Variants in GRM6 observed in about 807,000 individuals in gnomAD.
GRM6 encodes the protein metabotropic glutamate receptor 6.
A neutral mutation model predicts 78.4 loss-of-function variants in GRM6; 73 were observed. The ratio of observed to expected loss-of-function variants is 0.93; its 90% CI spans 0.77 to 1.13. The LOEUF (loss-of-function observed/expected upper bound fraction) is 1.13, where lower values mean the gene tolerates loss of function less well. GRM6 is among the 50% of genes most tolerant of loss of function. The pLI, the probability that GRM6 is intolerant of heterozygous loss-of-function variation, is 0.00. For missense variants in GRM6, 1,251 were observed against 1,256.4 expected (o/e 1.00, Z 0.07); for synonymous variants, 580 against 555.0 (o/e 1.05, Z -0.63).
intron 9 of GRM6, chr5:178,985,253 G>C (rs1350575807): frequency 1.1e-5 from 5 of 456,378 alleles, no homozygotes; most frequent in African/African-American, 1.0e-4. Context: ...TTTTGGTTTA[G>C]AAAATAACTT....
Position 178,978,852 on chromosome 5 carries a change from T to C in GRM6, c.*2805A>G, listed in dbSNP as rs1760335779. 1 of 152,112 alleles carries C rather than the reference T, an allele frequency of 6.6e-6. No homozygotes were observed. Among genetic ancestry groups the C allele is most frequent in the Admixed American group, 6.6e-5 (1 of 15,260 alleles). The allele number at this position is 152,112 out of a possible 1,614,324, so 9.4% of individuals were successfully genotyped here. On this transcript the variant is annotated 3_prime_UTR_variant, in exon 11 of 11. Coordinates refer to ENST00000517717, the MANE Select transcript of GRM6 (RefSeq NM_000843.4). ...CACATAGAAGAAAACCCACAAAACT[T>C]TATTCAGGGGTCCAAATAAATTGGA...
At position 178,991,610 on chromosome 5, in the gene GRM6, C is replaced by T; in HGVS notation, c.722-51G>A. On this transcript the variant is annotated intron_variant, in intron 3 of 10. Transcript: ENST00000517717. This position sits in a 1 kb window ranked among gnomAD's most constrained non-coding sequence, Gnocchi z 5.0. ...GCTTCCGTCCCACCCACCCACACAC[C>T]CACCTGGCCACCGCTGCAGAGGACT... 1 of 1,596,234 alleles carries T rather than the reference C, an allele frequency of 6.3e-7. No individual in the cohort carries two copies. Among genetic ancestry groups the T allele is most frequent in the Admixed American group, 1.7e-5 (1 of 59,988 alleles).
Position 178,994,665 on chromosome 5 carries a change from G to A in GRM6, c.280C>T (p.Arg94Trp). The A allele has an allele frequency of 1.4e-6, 2 of 1,466,800 alleles. No individual in the cohort carries two copies. Among genetic ancestry groups the A allele is most frequent in the East Asian group, 3.0e-5 (1 of 33,422 alleles). The allele number at this position is 1,466,800 out of a possible 1,614,324, so 90.9% of individuals were successfully genotyped here. ...ELLPGVRLGA[R>W]LLDTCSRDTY... ...TCCCGCGAGCAGGTGTCCAGCAGCC[G>A]CGCGCCCAGGCGCACGCCGGGCAGC... The change falls in exon 2 of 11, where the codon CGG becomes TGG. Residue 94 changes from arginine to tryptophan, a missense_variant. Transcript: ENST00000517717.
intron 2 of GRM6, among the ~76,000 whole-genome samples, chr5:178,993,171 T>A (rs541289447): frequency 1.3e-3 from 199 of 152,318 alleles, no homozygotes; most frequent in African/African-American, 4.6e-3. Context: ...TTTGCACAGT[T>A]TTTATTAATG....
At chr5:178,989,537 A>C in intron 5 of GRM6, 132 bp from the exon 6 acceptor site, 1 of 1,124,166 alleles carries the variant, frequency 8.9e-7, no homozygotes, top group Non-Finnish European at 1.3e-6. Context: ...TGAACTAGGC[A>C]TGGCCAGGTG....
chr5:178,985,923 G>A (rs950451767), intron 9 of GRM6, among the ~76,000 whole-genome samples: 1 of 152,048 alleles, frequency 6.6e-6, no homozygotes, highest in Admixed American at 6.6e-5. Flanking sequence ...CACCATGCCT[G>A]GCTAATTTTC....
At position 178,992,464 on chromosome 5, in the gene GRM6, C is replaced by G. The variant is rs1054762838; in HGVS notation, c.505-381G>C. 2.7e-6 allele frequency: 1 copy of G among 370,362 alleles called. No individual in the cohort carries two copies. Among genetic ancestry groups the G allele is most frequent in the East Asian group, 7.0e-5 (1 of 14,258 alleles). 22.9% of individuals were successfully genotyped at this position (370,362 alleles called of 1,614,324 possible). ...TCCTAGTCAGGCCCAGGGCAAAGCA[C>G]GTTTTCTTGATTCACACCAAGGGGT... On this transcript the variant is annotated intron_variant, in intron 2 of 10. Transcript: ENST00000517717. This position sits in a 1 kb window ranked among gnomAD's most constrained non-coding sequence, Gnocchi z 4.9.
At position 178,981,423 on chromosome 5, in the gene GRM6, C is replaced by CTT; in HGVS notation, c.*233_*234insAA. The stretch of plus-strand genomic sequence containing the variant: ...TAGAACCTTCTCGGTGGCTGTTTCC[C>CTT]ACCATGGGAAGCGAGTCTGGTCTGT... On this transcript the variant is annotated 3_prime_UTR_variant, in exon 11 of 11. Transcript: ENST00000517717. The surrounding 1 kb of genome is among the most constrained non-coding windows in gnomAD (Gnocchi z 5.1). 1 of 479,696 alleles carries CTT rather than the reference C, an allele frequency of 2.1e-6. No homozygotes were observed. Among genetic ancestry groups the CTT allele is most frequent in the Non-Finnish European group, 3.8e-6 (1 of 266,186 alleles). The allele number at this position is 479,696 out of a possible 1,614,324, so 29.7% of individuals were successfully genotyped here.
At chr5:178,985,351 G>T (rs1272151884) in intron 9 of GRM6, 7 of 429,142 alleles carry the variant, frequency 1.6e-5, no homozygotes, top group African/African-American at 1.4e-4. Context: ...GGAGATGGCG[G>T]CCCTAACTGA....
In GRM6 at chr5:178,993,030, A is replaced by G. The variant is rs146758437; in HGVS notation, c.505-947T>C. Among the ~76,000 whole-genome samples, 472 of 152,262 alleles carry G rather than the reference A, an allele frequency of 3.1e-3. 3 individuals are homozygous for G. The highest frequency in any genetic ancestry group is 0.011 in the African/African-American group (439 of 41,568). On this transcript the variant is annotated intron_variant, in intron 2 of 10. Transcript: ENST00000517717. Reference sequence around the variant, plus strand: ...CTCTCCTGGACACTTGAGTTTGGGAACAACCCTCCCATGCCCCCTGGACCT... The same window carrying G: ...CTCTCCTGGACACTTGAGTTTGGGAGCAACCCTCCCATGCCCCCTGGACCT...
intron 9 of GRM6, among the ~76,000 whole-genome samples, chr5:178,983,878 C>T (rs1377285404): frequency 6.6e-6 from 1 of 152,198 alleles, no homozygotes; most frequent in East Asian, 1.9e-4. Context: ...AAGGGCTGCC[C>T]CACACGTTCG....
rs556253112 is a variant in GRM6 at position 178,991,035 on chromosome 5, C to T, written c.858-289G>A. Among the ~76,000 whole-genome samples the T allele has an allele frequency of 3.3e-5, 5 of 152,082 alleles. No individual in the cohort carries two copies. The highest frequency in any genetic ancestry group is 7.2e-5 in the African/African-American group (3 of 41,420). On this transcript the variant is annotated intron_variant, in intron 4 of 10. Transcript: ENST00000517717. This position sits in a 1 kb window ranked among gnomAD's most constrained non-coding sequence, Gnocchi z 5.0. ...GCCCCTCCCCACATGCCTCCACCAG[C>T]GTCACACCCAGCCTCCTAGGCTGGA...
intron 10 of GRM6, 167 bp downstream of exon 10, chr5:178,982,743 A>G: frequency 3.2e-6 from 2 of 626,630 alleles, no homozygotes; most frequent in Non-Finnish European, 5.8e-6. Context: ...AGGGGTTAGA[A>G]GCTTGGAAAA....
rs372324992 is a variant in GRM6 at position 178,989,181 on chromosome 5, C to A, written c.1154-46G>T. On this transcript the variant is annotated intron_variant, in intron 6 of 10. Coordinates refer to ENST00000517717, the MANE Select transcript of GRM6 (RefSeq NM_000843.4). Reference sequence around the variant, plus strand: ...GAAAGTGTGCCCGGCCCCCATGCACCGAACCCGGCCTCCCGCCTTCCCCCT... The same window carrying A: ...GAAAGTGTGCCCGGCCCCCATGCACAGAACCCGGCCTCCCGCCTTCCCCCT... The A allele has an allele frequency of 7.5e-4, 1,197 of 1,591,600 alleles. 4 individuals carry two copies. The highest frequency in any genetic ancestry group is 6.0e-3 in the Middle Eastern group (35 of 5,810).
chr5:178,994,683 C>A lies in GRM6; in HGVS notation c.262G>T (p.Gly88Cys). 6.8e-7 allele frequency: 1 copy of A among 1,469,406 alleles called. No homozygotes were observed. The highest frequency in any genetic ancestry group is 9.0e-7 in the Non-Finnish European group (1 of 1,113,538). 91.0% of individuals were successfully genotyped at this position (1,469,406 alleles called of 1,614,324 possible). A position where few individuals can be genotyped will look rare whatever the true frequency, so the allele number is the denominator to read the frequency against. ...RVNADPELLP[G>C]VRLGARLLDT... is the part of the protein sequence containing the mutation. The stretch of plus-strand genomic sequence containing the variant: ...AGCAGCCGCGCGCCCAGGCGCACGC[C>A]GGGCAGCAGCTCGGGGTCGGCGTTG... The change falls in exon 2 of 11, where the codon GGC becomes TGC. Residue 88 changes from glycine to cysteine, a missense_variant. Physicochemically the swap from Gly to Cys is radical, Grantham distance 159. Transcript: ENST00000517717.
In GRM6 at chr5:178,992,180, G is replaced by T; in HGVS notation, c.505-97C>A. On this transcript the variant is annotated intron_variant, in intron 2 of 10. Transcript: ENST00000517717. The surrounding 1 kb of genome is among the most constrained non-coding windows in gnomAD (Gnocchi z 4.9). ...CCAGGACACGGACGGGGCACAGAAG[G>T]TGTGTGGCATGGACCTGGGACACAG... 1 of 828,568 alleles carries T rather than the reference G, an allele frequency of 1.2e-6. No individual in the cohort carries two copies. Among genetic ancestry groups the T allele is most frequent in the Non-Finnish European group, 2.0e-6 (1 of 497,980 alleles). 51.3% of individuals were successfully genotyped at this position (828,568 alleles called of 1,614,324 possible). A position where few individuals can be genotyped will look rare whatever the true frequency, so the allele number is the denominator to read the frequency against.
intron 2 of GRM6, among the ~76,000 whole-genome samples, chr5:178,993,513 GAACA>G (rs1011114976): frequency 6.6e-6 from 1 of 152,134 alleles, no homozygotes; most frequent in African/African-American, 2.4e-5. Context: ...CGCACGCCTG[GAACA>G]AACACAGACG....
Position 178,982,724 on chromosome 5 carries a change from G to A in GRM6, c.2436+186C>T, listed in dbSNP as rs17078860. 17,455 of 554,748 alleles carry A rather than the reference G, an allele frequency of 0.031. 455 individuals are homozygous for A. The highest frequency in any genetic ancestry group is 0.073 in the South Asian group (3,022 of 41,218). 34.4% of individuals were successfully genotyped at this position (554,748 alleles called of 1,614,324 possible). On this transcript the variant is annotated intron_variant, in intron 10 of 10. Coordinates refer to ENST00000517717, the MANE Select transcript of GRM6 (RefSeq NM_000843.4). ...AAAAAAGAAAAAAAGAAGAGTGGAA[G>A]TTAAGAAGAGGGGTTAGAAGCTTGG...
Position 178,981,721 on chromosome 5 carries a change from C to T in GRM6, c.2570G>A (p.Ser857Asn), listed in dbSNP as rs1581890664. Residue 857 changes from serine (S) to asparagine (N), a missense_variant, in exon 11 of 11, where the codon AGC (serine) becomes AAC (asparagine). Ser to Asn is a conservative substitution (Grantham distance 46). Transcript: ENST00000517717. The surrounding 1 kb of genome is among the most constrained non-coding windows in gnomAD (Gnocchi z 5.1). The stretch of plus-strand genomic sequence containing the variant: ...TGCCACCGTGGAGGTGGCCTTGAGG[C>T]TCCGCTTTCGCTTCTGCACATTCTG... ...PEQNVQKRKR[S>N]LKATSTVAAP... The T allele has an allele frequency of 6.2e-7, 1 of 1,614,148 alleles. No homozygotes were observed. The highest frequency in any genetic ancestry group is 1.1e-5 in the South Asian group (1 of 91,080).
Sources: allele counts gnomAD v4.1 joint callset (sites outside exome capture counted in the v4.1 genomes callset), GRCh38; gene constraint gnomAD v4.1.1; non-coding constraint Gnocchi (gnomAD v3.1); transcripts MANE v1.5; gene names NCBI Gene and HGNC (gene_info 2026-07-23, HGNC 2026-07-21).